Variants in STK39 observed in about 807,000 individuals in gnomAD.
The protein encoded by STK39 is STE20/SPS1-related proline-alanine-rich protein kinase.
In STK39, 20 loss-of-function variants were observed where a neutral mutation model predicts 77.8. The observed-to-expected ratio is 0.26, with a 90% CI of 0.18 to 0.37. The LOEUF is 0.37. Among genes scored for constraint, STK39 ranks in the 10% least tolerant of loss-of-function variants. STK39 has a pLI of 1.00. For missense variants in STK39, 479 were observed against 656.5 expected (o/e 0.73, Z 2.95); for synonymous variants, 246 against 234.1 (o/e 1.05, Z -0.47).
At chr2:168,026,014 C>T (rs756012158) in intron 14 of STK39, among the ~76,000 whole-genome samples, 12 of 152,218 alleles carry the variant, frequency 7.9e-5, no homozygotes, top group Non-Finnish European at 1.2e-4. Context: ...GGAAATAATG[C>T]TTCCCTCGCA....
intron 16 of STK39, among the ~76,000 whole-genome samples, 168 bp downstream of exon 16, chr2:168,012,466 C>A (rs1684293764): frequency 6.6e-6 from 1 of 152,112 alleles, no homozygotes; most frequent in South Asian, 2.1e-4. Flanking sequence ...AGTCATGGCG[C>A]CCGTCCAAAT....
intron 10 of STK39, among the ~76,000 whole-genome samples, chr2:168,100,736 G>A (rs1189330506): frequency 6.6e-6 from 1 of 152,184 alleles, no homozygotes; most frequent in Non-Finnish European, 1.5e-5. Flanking sequence ...TGGAGAAGTA[G>A]GAACTCTTTT....
chr2:167,985,645 C>T lies in STK39; in HGVS notation c.1499-20919G>A, dbSNP rs530968203. ...CACTAGCCTTACTGAATTTGGTGGA[C>T]ACATGACATTATTTTAGGGGAAAAG... On this transcript the variant is annotated intron_variant, in intron 16 of 17. Transcript: ENST00000355999. Among the ~76,000 whole-genome samples, 25 of 152,248 alleles carry T rather than the reference C, an allele frequency of 1.6e-4. No homozygotes were observed. In the East Asian group the frequency reaches 3.9e-3, roughly 23 times the overall value.
intron 1 of STK39, among the ~76,000 whole-genome samples, chr2:168,226,699 G>A (rs1247062883): frequency 6.9e-6 from 1 of 144,132 alleles, no homozygotes; most frequent in African/African-American, 2.6e-5. Flanking sequence ...AATAAGGCAA[G>A]ATGCCTTCTC....
intron 1 of STK39, among the ~76,000 whole-genome samples, chr2:168,230,802 A>G (rs1430760274): frequency 2.0e-5 from 3 of 151,822 alleles, no homozygotes; most frequent in Non-Finnish European, 4.4e-5. Flanking sequence ...CCTTGCCTTG[A>G]CCCCTTGTCA....
intron 12 of STK39, among the ~76,000 whole-genome samples, chr2:168,066,344 C>G (rs1685794727): frequency 6.6e-6 from 1 of 152,080 alleles, no homozygotes; most frequent in Admixed American, 6.6e-5. Flanking sequence ...ATGATGATAC[C>G]TAGATTATAG....
At chr2:167,967,495 T>A (rs1003277892) in intron 16 of STK39, among the ~76,000 whole-genome samples, 1 of 152,224 alleles carries the variant, frequency 6.6e-6, no homozygotes. Flanking sequence ...TGAATACCTG[T>A]CAGGGCTGGA....
intron 14 of STK39, among the ~76,000 whole-genome samples, chr2:168,054,116 A>C (rs569006830): frequency 1.3e-5 from 2 of 152,232 alleles, no homozygotes; most frequent in Non-Finnish European, 2.9e-5. Context: ...TTTGTTGGGA[A>C]ACATTGTTAA....
intron 16 of STK39, among the ~76,000 whole-genome samples, chr2:168,003,729 C>A (rs947883703): frequency 6.6e-6 from 1 of 152,172 alleles, no homozygotes; most frequent in African/African-American, 2.4e-5. Context: ...TATTTATTGA[C>A]ATAATTCAAC....
At chr2:168,090,754 A>G (rs1402686103) in intron 10 of STK39, among the ~76,000 whole-genome samples, 1 of 152,148 alleles carries the variant, frequency 6.6e-6, no homozygotes, top group East Asian at 1.9e-4. Flanking sequence ...GAAAACAACC[A>G]TCTTTTGCCA....
At chr2:168,236,917 G>C (rs976191232) in intron 1 of STK39, among the ~76,000 whole-genome samples, 1 of 152,112 alleles carries the variant, frequency 6.6e-6, no homozygotes, top group African/African-American at 2.4e-5. Flanking sequence ...TCTTAGGATT[G>C]ACTTGGCAAT....
intron 16 of STK39, among the ~76,000 whole-genome samples, chr2:167,974,753 T>C (rs1683229009): frequency 6.6e-6 from 1 of 152,222 alleles, no homozygotes; most frequent in African/African-American, 2.4e-5. Context: ...TAGAGTATAG[T>C]GTCTTTTAGG....
At chr2:168,204,807 A>C (rs1234215896) in intron 1 of STK39, among the ~76,000 whole-genome samples, 1 of 152,162 alleles carries the variant, frequency 6.6e-6, no homozygotes, top group Non-Finnish European at 1.5e-5. Context: ...CATACATTTA[A>C]CTCTATTCCA....
rs559008589 is a variant in STK39 at position 168,215,263 on chromosome 2, C to A, written c.208+31965G>T. On this transcript the variant is annotated intron_variant, in intron 1 of 17. Coordinates refer to ENST00000355999, the MANE Select transcript of STK39 (RefSeq NM_013233.3). ...CAGGACTCCAATCATACTCTCCCCC[C>A]ATTTCCACATCCTCCAAACTGAGGT... Among the ~76,000 whole-genome samples the A allele has an allele frequency of 3.3e-5, 5 of 152,308 alleles. No individual in the cohort carries two copies. In the South Asian group the frequency reaches 6.2e-4, roughly 19 times the overall value.
intron 5 of STK39, among the ~76,000 whole-genome samples, chr2:168,160,671 A>C (rs951205997): frequency 1.2e-4 from 18 of 152,170 alleles, no homozygotes; most frequent in Non-Finnish European, 2.5e-4. Flanking sequence ...ACAGCTACTA[A>C]GTGGTGGCCT....
chr2:167,970,188 C>T (rs143558997), intron 16 of STK39, among the ~76,000 whole-genome samples: 1 of 152,308 alleles, frequency 6.6e-6, no homozygotes, highest in Admixed American at 6.5e-5. Flanking sequence ...CAGAATTCTT[C>T]TTTCTCATAG....
intron 1 of STK39, among the ~76,000 whole-genome samples, chr2:168,192,541 C>T (rs928719384): frequency 6.6e-6 from 1 of 152,172 alleles, no homozygotes; most frequent in Non-Finnish European, 1.5e-5. Context: ...AATCTACTTC[C>T]TCTGGATTGA....
At chr2:167,986,333 A>T (rs1414816627) in intron 16 of STK39, among the ~76,000 whole-genome samples, 2 of 152,218 alleles carry the variant, frequency 1.3e-5, no homozygotes, top group East Asian at 1.9e-4. Context: ...ATGCTGAAAA[A>T]TTTTGATCCA....
chr2:168,180,358 A>G (rs2105626305), intron 2 of STK39, among the ~76,000 whole-genome samples: 1 of 152,288 alleles, frequency 6.6e-6, no homozygotes, highest in South Asian at 2.1e-4. Context: ...AAAAAATACA[A>G]AAAACAAAAA....
Sources: gnomAD v4.1 joint callset for allele counts (sites outside exome capture counted in the v4.1 genomes callset) on GRCh38, gnomAD v4.1.1 for gene constraint, MANE v1.5 for transcripts, NCBI Gene and HGNC (gene_info 2026-07-23, HGNC 2026-07-21) for gene names.